The following CRISPLD1 variants were observed in gnomAD, a reference collection of about 807,000 sequenced individuals.
CRISPLD1 encodes cysteine rich secretory protein LCCL domain containing 1, also known as cysteine-rich secretory protein LCCL domain-containing 1.
Under a neutral mutation model 77.5 loss-of-function variants are expected in CRISPLD1, and 60 were observed. The ratio of observed to expected loss-of-function variants is 0.77; its 90% CI spans 0.63 to 0.96. The LOEUF is 0.96. Among genes scored for constraint, CRISPLD1 ranks in the 40% least tolerant of loss-of-function variants. The pLI is 0.00. For missense variants in CRISPLD1, 623 were observed against 615.8 expected (o/e 1.01, Z -0.12); for synonymous variants, 195 against 200.1 (o/e 0.97, Z 0.22).
At chr8:74,987,518 C>T (rs776666657) in intron 2 of CRISPLD1, among the ~76,000 whole-genome samples, 3 of 152,082 alleles carry the variant, frequency 2.0e-5, no homozygotes, top group Non-Finnish European at 4.4e-5. Flanking sequence ...TAAATGTTAC[C>T]AAGACATATA....
chr8:75,002,693 T>G (rs1269255143), intron 2 of CRISPLD1, among the ~76,000 whole-genome samples: 1 of 151,852 alleles, frequency 6.6e-6, no homozygotes, highest in Admixed American at 6.6e-5. Context: ...GGCAACACGT[T>G]CTGAAATTCA....
chr8:75,030,183 C>T (rs770212536), intron 14 of CRISPLD1, among the ~76,000 whole-genome samples: 24 of 151,946 alleles, frequency 1.6e-4, no homozygotes, highest in Admixed American at 9.2e-4. Flanking sequence ...AGAAAAATCC[C>T]TAACTTTTAG....
At chr8:75,031,204 G>A (rs778116926) in intron 14 of CRISPLD1, among the ~76,000 whole-genome samples, 3 of 151,932 alleles carry the variant, frequency 2.0e-5, no homozygotes, top group Non-Finnish European at 2.9e-5. Context: ...TTGTGTGTGC[G>A]CACTTGTGAT....
chr8:74,986,336 T>C (rs144069052), intron 2 of CRISPLD1, 91 bp downstream of exon 2: 30,158 of 1,284,636 alleles, frequency 0.023, 432 homozygotes, highest in East Asian at 0.042. Flanking sequence ...ATCATTTATT[T>C]TATATGAAGT....
In CRISPLD1 at chr8:75,021,727, C is replaced by T. The variant is rs371083085; in HGVS notation, c.1244+1648C>T. The stretch of plus-strand genomic sequence containing the variant: ...AATATTTTTTTCAGAATTCTCAAGA[C>T]CCCTACACTTACAGATTGCAGTTTT... On this transcript the variant is annotated intron_variant, in intron 12 of 14. Transcript: ENST00000262207. Among the ~76,000 whole-genome samples, 31 of 152,092 alleles carry T rather than the reference C, an allele frequency of 2.0e-4. No homozygotes were observed. In the East Asian group the frequency reaches 5.0e-3, roughly 25 times the overall value.
At chr8:75,000,728 T>C (rs1030659339) in intron 2 of CRISPLD1, among the ~76,000 whole-genome samples, 1 of 152,110 alleles carries the variant, frequency 6.6e-6, no homozygotes, top group Admixed American at 6.5e-5. Context: ...CCTTGTCTCT[T>C]TCTCTAGCCT....
In CRISPLD1 at chr8:75,033,524, A is replaced by AGAT. The variant is rs1208858596; in HGVS notation, c.*1285_*1287dup. ...CAAGGGAGATTTTGAATAAAGAGAG[A>AGAT]GATGAATTTATAAAGTAGGAAAAAA... On this transcript the variant is annotated 3_prime_UTR_variant, in exon 15 of 15. Transcript: ENST00000262207. 1.3e-5 allele frequency: 2 copies of AGAT among 151,934 alleles called. No homozygotes were observed. The highest frequency in any genetic ancestry group is 2.9e-5 in the Non-Finnish European group (2 of 67,878). The allele number at this position is 151,934 out of a possible 1,614,324, so 9.4% of individuals were successfully genotyped here. A position where few individuals can be genotyped will look rare whatever the true frequency, so the allele number is the denominator to read the frequency against.
chr8:74,989,602 GT>G (rs1370241188), intron 2 of CRISPLD1, among the ~76,000 whole-genome samples: 2 of 150,786 alleles, frequency 1.3e-5, no homozygotes, highest in Non-Finnish European at 1.5e-5. Context: ...TAGTGGGGTT[GT>G]TTTTTTTCTC....
At chr8:74,988,236 TA>T (rs1288042124) in intron 2 of CRISPLD1, among the ~76,000 whole-genome samples, 6 of 152,360 alleles carry the variant, frequency 3.9e-5, no homozygotes, top group African/African-American at 1.4e-4. Context: ...ATCATTCTTA[TA>T]AAAATCCAAT....
At chr8:75,015,717 A>G (rs1167261756) in intron 6 of CRISPLD1, among the ~76,000 whole-genome samples, 3 of 152,104 alleles carry the variant, frequency 2.0e-5, no homozygotes, top group African/African-American at 7.2e-5. Flanking sequence ...AAATGAGTAG[A>G]CAAGAAGTGC....
At chr8:74,989,356 T>A (rs1812539775) in intron 2 of CRISPLD1, among the ~76,000 whole-genome samples, 1 of 152,258 alleles carries the variant, frequency 6.6e-6, no homozygotes, top group Admixed American at 6.5e-5. Flanking sequence ...GATACTGTTG[T>A]TGAAGTGGTA....
chr8:75,011,745 A>G (rs1274063658), intron 2 of CRISPLD1, among the ~76,000 whole-genome samples: 1 of 152,114 alleles, frequency 6.6e-6, no homozygotes, highest in Non-Finnish European at 1.5e-5. Context: ...TCATTCATGT[A>G]TTTAACAAGC....
rs950251301 is a variant in CRISPLD1 at position 75,029,272 on chromosome 8, G to A, written c.1321-115G>A. The A allele has an allele frequency of 8.8e-6, 9 of 1,028,384 alleles. No homozygotes were observed. The African/African-American group carries it at 1.3e-4, about 15-fold the overall frequency. The allele number at this position is 1,028,384 out of a possible 1,614,324, so 63.7% of individuals were successfully genotyped here. A position where few individuals can be genotyped will look rare whatever the true frequency, so the allele number is the denominator to read the frequency against. On this transcript the variant is annotated intron_variant, in intron 13 of 14. Coordinates refer to ENST00000262207, the MANE Select transcript of CRISPLD1 (RefSeq NM_031461.6). The stretch of plus-strand genomic sequence containing the variant: ...AAACCTCATCCTGTAGCTGCTCACT[G>A]GCTATCCATGACATCAGGATGTCAG...
Position 75,012,963 on chromosome 8 carries a change from GAA to G in CRISPLD1, c.452_453del (p.Glu151ValfsTer25). On this transcript the variant is annotated frameshift_variant, in exon 4 of 15. Coordinates refer to ENST00000262207, the MANE Select transcript of CRISPLD1 (RefSeq NM_031461.6). LOFTEE classifies it high-confidence loss of function. ...AGACTTTAGCTACCCATATGAACAT[GAA>G]TGCAACCCATATTGTCCATTCAGGT... ...VKDFSYPYEH[E>X]CNPYCPFRCS... 6.2e-7 allele frequency: 1 copy of G among 1,612,918 alleles called. No individual in the cohort carries two copies. Among genetic ancestry groups the G allele is most frequent in the Non-Finnish European group, 8.5e-7 (1 of 1,179,332 alleles).
chr8:75,025,658 G>A lies in CRISPLD1; in HGVS notation c.1320+37G>A, dbSNP rs374614688. 324 of 1,036,700 alleles carry A rather than the reference G, an allele frequency of 3.1e-4. 1 individual carries two copies. The highest frequency in any genetic ancestry group is 4.2e-4 in the Non-Finnish European group (281 of 661,444). 64.2% of individuals were successfully genotyped at this position (1,036,700 alleles called of 1,614,324 possible). Reference sequence around the variant, plus strand: ...AATTTATACAGCTGTCAACATTCATGTATATATATAAATGTATAGACACAT... The same window carrying A: ...AATTTATACAGCTGTCAACATTCATATATATATATAAATGTATAGACACAT... On this transcript the variant is annotated intron_variant, in intron 13 of 14. Transcript: ENST00000262207.
At chr8:75,007,773 C>T (rs1812860098) in intron 2 of CRISPLD1, among the ~76,000 whole-genome samples, 1 of 149,414 alleles carries the variant, frequency 6.7e-6, no homozygotes, top group South Asian at 2.1e-4. Flanking sequence ...CCTCAAACTC[C>T]CTTGATCCTT....
At chr8:75,018,442 C>T (rs956792880) in intron 10 of CRISPLD1, among the ~76,000 whole-genome samples, 3 of 152,042 alleles carry the variant, frequency 2.0e-5, no homozygotes, top group Non-Finnish European at 4.4e-5. Context: ...AGGTGCGTGC[C>T]ACCATGCCCA....
intron 2 of CRISPLD1, among the ~76,000 whole-genome samples, chr8:75,009,985 T>A (rs1332951801): frequency 2.6e-5 from 4 of 152,162 alleles, no homozygotes; most frequent in African/African-American, 9.6e-5. Flanking sequence ...CTGATAATAC[T>A]TGTTTATAGC....
chr8:75,022,512 C>T (rs1482526007), intron 12 of CRISPLD1, among the ~76,000 whole-genome samples: 11 of 150,782 alleles, frequency 7.3e-5, no homozygotes, highest in South Asian at 2.1e-4. Context: ...GGCGTGAACC[C>T]GGGAGGCCGA....
Sources: allele counts gnomAD v4.1 joint callset (sites outside exome capture counted in the v4.1 genomes callset), GRCh38; gene constraint gnomAD v4.1.1; transcripts MANE v1.5; gene names NCBI Gene and HGNC (gene_info 2026-07-23, HGNC 2026-07-21).